The following ARHGAP15 variants were observed in gnomAD, a reference collection of about 807,000 sequenced individuals.
The protein encoded by ARHGAP15 is Rho GTPase activating protein 15, also known as rho GTPase-activating protein 15.
Under a neutral mutation model 63.7 loss-of-function variants are expected in ARHGAP15, and 51 were observed. The ratio of observed to expected loss-of-function variants is 0.80; its 90% confidence interval spans 0.64 to 1.01. The LOEUF is 1.01. ARHGAP15 is among the 50% of genes least tolerant of loss of function. The pLI is 0.00. For missense variants in ARHGAP15, 560 were observed against 564.6 expected (o/e 0.99, Z 0.08); for synonymous variants, 191 against 193.8 (o/e 0.99, Z 0.12).
intron 6 of ARHGAP15, among the ~76,000 whole-genome samples, chr2:143,422,111 A>G (rs915137102): frequency 6.6e-6 from 1 of 152,176 alleles, no homozygotes; most frequent in African/African-American, 2.4e-5. Context: ...TTAAGCCACA[A>G]ACTTTTAAAG....
chr2:143,577,393 A>G (rs1199287171), intron 11 of ARHGAP15, among the ~76,000 whole-genome samples: 4 of 152,148 alleles, frequency 2.6e-5, no homozygotes, highest in African/African-American at 9.7e-5. Context: ...TAAAACATAC[A>G]AGTGAATCAG....
chr2:143,420,752 C>A (rs1181710437), intron 6 of ARHGAP15, among the ~76,000 whole-genome samples: 1 of 152,120 alleles, frequency 6.6e-6, no homozygotes, highest in African/African-American at 2.4e-5. Flanking sequence ...GTGTTGATGG[C>A]AAGAAGACCA....
intron 12 of ARHGAP15, 47 bp from the exon 13 acceptor site, chr2:143,703,372 T>C: frequency 6.5e-7 from 1 of 1,537,310 alleles, no homozygotes; most frequent in Non-Finnish European, 8.8e-7. Context: ...CCTGTACCTA[T>C]GAAATCTTGT....
chr2:143,428,403 G>C (rs1304764074), intron 6 of ARHGAP15, among the ~76,000 whole-genome samples: 1 of 151,724 alleles, frequency 6.6e-6, no homozygotes, highest in African/African-American at 2.4e-5. Flanking sequence ...TGCAACAGCT[G>C]TGGGGAGCCT....
At chr2:143,611,653 C>T (rs564316981) in intron 11 of ARHGAP15, among the ~76,000 whole-genome samples, 3 of 152,216 alleles carry the variant, frequency 2.0e-5, no homozygotes, top group Non-Finnish European at 2.9e-5. Flanking sequence ...TATCTCTTTA[C>T]CAAGCTCCAT....
intron 9 of ARHGAP15, among the ~76,000 whole-genome samples, chr2:143,493,638 C>T (rs1345300475): frequency 6.6e-6 from 1 of 152,138 alleles, no homozygotes; most frequent in African/African-American, 2.4e-5. Context: ...TCTGCCACTC[C>T]TTGCTTTTTT....
intron 13 of ARHGAP15, among the ~76,000 whole-genome samples, chr2:143,708,680 C>T (rs1294499957): frequency 6.6e-6 from 1 of 151,954 alleles, no homozygotes; most frequent in African/African-American, 2.4e-5. Flanking sequence ...AGTCTGCCGG[C>T]CTTTGGGGCA....
At chr2:143,411,977 A>T (rs1240121953) in intron 6 of ARHGAP15, among the ~76,000 whole-genome samples, 1 of 152,224 alleles carries the variant, frequency 6.6e-6, no homozygotes, top group Non-Finnish European at 1.5e-5. Flanking sequence ...TCAAAGGCAC[A>T]GAGCAAGAGG....
chr2:143,219,758 A>T (rs1407701308), intron 4 of ARHGAP15, among the ~76,000 whole-genome samples: 3 of 152,214 alleles, frequency 2.0e-5, no homozygotes, highest in Non-Finnish European at 2.9e-5. Context: ...TATCCATAGA[A>T]CATTACCTTA....
At chr2:143,739,937 A>G (rs1257895595) in intron 13 of ARHGAP15, among the ~76,000 whole-genome samples, 2 of 152,144 alleles carry the variant, frequency 1.3e-5, no homozygotes, top group Non-Finnish European at 2.9e-5. Flanking sequence ...TTGGTCTCCA[A>G]CTTCCCACCG....
chr2:143,639,618 C>T lies in ARHGAP15; in HGVS notation c.1138+15351C>T, dbSNP rs534718034. ...AAAGGTAGAAAGAAGGCACTATGTC[C>T]TTATTACAATCCCCGGCAAGTGAAT... On this transcript the variant is annotated intron_variant, in intron 12 of 13. Transcript: ENST00000295095. Among the ~76,000 whole-genome samples the T allele has an allele frequency of 3.9e-5, 6 of 152,138 alleles. No homozygotes were observed. In the South Asian group the frequency reaches 1.0e-3, roughly 26 times the overall value.
At chr2:143,325,246 G>T (rs1684198190) in intron 6 of ARHGAP15, among the ~76,000 whole-genome samples, 1 of 152,094 alleles carries the variant, frequency 6.6e-6, no homozygotes. Flanking sequence ...GCTTGAAACA[G>T]ACATTATAAA....
Position 143,461,013 on chromosome 2 carries a change from G to A in ARHGAP15, c.703+23971G>A, listed in dbSNP as rs980550664. 2.0e-5 allele frequency among the ~76,000 whole-genome samples: 3 copies of A among 152,228 alleles called. No homozygotes were observed. In the East Asian group the frequency reaches 5.8e-4, roughly 29 times the overall value. On this transcript the variant is annotated intron_variant, in intron 8 of 13. Transcript: ENST00000295095. ...TTAGAGCATCTAGAAGACTTGGCTG[G>A]GCATGGTGGCGCACGCCTGTAATCC...
intron 8 of ARHGAP15, among the ~76,000 whole-genome samples, chr2:143,470,620 T>G (rs917122225): frequency 1.7e-4 from 25 of 149,672 alleles, no homozygotes; most frequent in African/African-American, 4.9e-4. Context: ...TATGTGTATA[T>G]ATATACATAT....
intron 2 of ARHGAP15, among the ~76,000 whole-genome samples, chr2:143,166,885 G>T (rs1183612620): frequency 6.6e-6 from 1 of 152,004 alleles, no homozygotes; most frequent in East Asian, 1.9e-4. Context: ...AAGTCAAGCT[G>T]CTAGTATTCT....
At chr2:143,660,364 C>A (rs1456598144) in intron 12 of ARHGAP15, among the ~76,000 whole-genome samples, 1 of 152,162 alleles carries the variant, frequency 6.6e-6, no homozygotes, top group Non-Finnish European at 1.5e-5. Flanking sequence ...TTTGCCGATA[C>A]TGCTTTCAAG....
intron 10 of ARHGAP15, among the ~76,000 whole-genome samples, chr2:143,543,635 G>A (rs1695199386): frequency 2.0e-5 from 3 of 151,712 alleles, no homozygotes. Context: ...AGAAAGAAAT[G>A]AGAGATATTA....
rs552926319 is a variant in ARHGAP15, at chr2:143,653,283, C to T, written c.1138+29016C>T. ...TCATTAAAATTTTCTTTAGAATTTT[C>T]ATATCTATATTTATAAAGCATATTA... On this transcript the variant is annotated intron_variant, in intron 12 of 13. Transcript: ENST00000295095. Among the ~76,000 whole-genome samples the T allele has an allele frequency of 2.0e-5, 3 of 152,130 alleles. No individual in the cohort carries two copies. The South Asian group carries it at 6.2e-4, about 32-fold the overall frequency.
chr2:143,298,165 T>C (rs1033590087), intron 6 of ARHGAP15, among the ~76,000 whole-genome samples: 1 of 152,016 alleles, frequency 6.6e-6, no homozygotes, highest in African/African-American at 2.4e-5. Context: ...CTATCACTTC[T>C]CTTCGGGCTC....
Sources: allele counts gnomAD v4.1 joint callset (sites outside exome capture counted in the v4.1 genomes callset), GRCh38; gene constraint gnomAD v4.1.1; transcripts MANE v1.5; gene names NCBI Gene and HGNC (gene_info 2026-07-23, HGNC 2026-07-21).